Variants in SCFD2 observed in about 807,000 individuals in gnomAD.
The protein encoded by SCFD2 is sec1 family domain-containing protein 2.
A neutral mutation model predicts 58.9 loss-of-function variants in SCFD2; 54 were observed. The observed-to-expected ratio is 0.92, with a 90% CI of 0.74 to 1.15. The LOEUF (loss-of-function observed/expected upper bound fraction) is 1.15. SCFD2 is among the 50% of genes most tolerant of loss of function. The pLI, the probability that SCFD2 is intolerant of heterozygous loss-of-function variation, is 0.00. For synonymous variants in SCFD2, 321 were observed against 335.9 expected (o/e 0.96, Z 0.49); for missense variants, 805 against 836.6 (o/e 0.96, Z 0.47).
At chr4:53,117,113 C>A (rs1725346197) in intron 5 of SCFD2, among the ~76,000 whole-genome samples, 1 of 152,288 alleles carries the variant, frequency 6.6e-6, no homozygotes, top group South Asian at 2.1e-4. Context: ...TGTACTGGAA[C>A]TGAAACCATG....
intron 5 of SCFD2, among the ~76,000 whole-genome samples, chr4:53,130,698 T>G (rs1725762729): frequency 6.6e-6 from 1 of 152,196 alleles, no homozygotes; most frequent in South Asian, 2.1e-4. Context: ...GGGACTGATC[T>G]ACAACCTCTG....
At chr4:52,911,654 C>T (rs1719489165) in intron 6 of SCFD2, among the ~76,000 whole-genome samples, 1 of 152,148 alleles carries the variant, frequency 6.6e-6, no homozygotes, top group African/African-American at 2.4e-5. Flanking sequence ...CCTGACCTAC[C>T]TCTTTGATAT....
intron 5 of SCFD2, 150 bp downstream of exon 5, chr4:53,145,183 C>CT: frequency 1.1e-6 from 1 of 930,456 alleles, no homozygotes; most frequent in East Asian, 2.5e-5. Context: ...GGGACTGTTG[C>CT]TATAGGCTGG....
At chr4:53,052,647 T>G (rs1192925477) in intron 5 of SCFD2, among the ~76,000 whole-genome samples, 1 of 152,168 alleles carries the variant, frequency 6.6e-6, no homozygotes, top group Non-Finnish European at 1.5e-5. Context: ...AAACCCCAAA[T>G]GGTAATTGAG....
chr4:53,323,845 T>C (rs980186061), intron 2 of SCFD2, among the ~76,000 whole-genome samples: 1 of 152,072 alleles, frequency 6.6e-6, no homozygotes, highest in African/African-American at 2.4e-5. Context: ...TCCAAAAACC[T>C]GGGAAACCAC....
chr4:53,283,375 G>A (rs1251890752), intron 3 of SCFD2, among the ~76,000 whole-genome samples: 1 of 151,944 alleles, frequency 6.6e-6, no homozygotes, highest in Non-Finnish European at 1.5e-5. Flanking sequence ...AACATATTTA[G>A]GTTTTATTGG....
intron 4 of SCFD2, among the ~76,000 whole-genome samples, chr4:53,151,708 G>A (rs1263366670): frequency 2.6e-5 from 4 of 152,288 alleles, no homozygotes; most frequent in South Asian, 2.1e-4. Flanking sequence ...GCAACTCATC[G>A]TGTTAGTCCA....
intron 3 of SCFD2, among the ~76,000 whole-genome samples, chr4:53,305,190 AT>A (rs540699443): frequency 5.3e-5 from 8 of 151,970 alleles, no homozygotes; most frequent in Admixed American, 4.6e-4. Flanking sequence ...TATTTTTTAA[AT>A]TTTTTTATTT....
At chr4:52,942,027 T>C (rs1230616832) in intron 5 of SCFD2, among the ~76,000 whole-genome samples, 1 of 152,186 alleles carries the variant, frequency 6.6e-6, no homozygotes. Context: ...TCAACCTGTT[T>C]ATACTAATTA....
chr4:52,948,588 C>A, intron 5 of SCFD2: 1 of 454,022 alleles, frequency 2.2e-6, no homozygotes, highest in Non-Finnish European at 4.4e-6. Context: ...CTAGTGGGGA[C>A]ATGCCAAGTC....
intron 5 of SCFD2, among the ~76,000 whole-genome samples, chr4:52,978,404 A>C (rs1010268442): frequency 1.3e-5 from 2 of 152,168 alleles, no homozygotes; most frequent in Admixed American, 1.3e-4. Context: ...TAAGGCCTGA[A>C]TTATGTATAT....
intron 5 of SCFD2, among the ~76,000 whole-genome samples, chr4:53,018,444 A>G (rs1353153368): frequency 2.6e-5 from 4 of 152,238 alleles, no homozygotes; most frequent in African/African-American, 9.6e-5. Context: ...AATGTTCCTG[A>G]CAAGCATTGC....
intron 5 of SCFD2, among the ~76,000 whole-genome samples, chr4:52,940,237 A>C (rs1271177752): frequency 6.6e-6 from 1 of 152,228 alleles, no homozygotes; most frequent in East Asian, 1.9e-4. Flanking sequence ...TAAAGCATCA[A>C]GAGGCCTGAG....
intron 3 of SCFD2, among the ~76,000 whole-genome samples, chr4:53,277,857 C>T (rs1458738462): frequency 1.3e-5 from 2 of 149,800 alleles, no homozygotes; most frequent in African/African-American, 4.9e-5. Context: ...TGGAGACCAT[C>T]CTGGCTAACA....
intron 5 of SCFD2, among the ~76,000 whole-genome samples, chr4:53,060,845 A>G (rs1723489764): frequency 6.6e-6 from 1 of 152,144 alleles, no homozygotes; most frequent in South Asian, 2.1e-4. Flanking sequence ...CATATCAACA[A>G]AAGCTTTGGG....
At chr4:53,108,018 C>A (rs898813613) in intron 5 of SCFD2, among the ~76,000 whole-genome samples, 1 of 152,146 alleles carries the variant, frequency 6.6e-6, no homozygotes, top group African/African-American at 2.4e-5. Context: ...ATCAGAACAA[C>A]AGTCTTTCAG....
Position 52,876,038 on chromosome 4 carries a change from C to T in SCFD2, c.1963-1977G>A, listed in dbSNP as rs191385771. ...TGTGTGTCTCCCGAGAGGGTCTCTA[C>T]GTCTTTCAGGTCTTCCTCACCAAAC... is the stretch of plus-strand genomic sequence containing the variant. On this transcript the variant is annotated intron_variant, in intron 8 of 8. Coordinates refer to ENST00000401642, the MANE Select transcript of SCFD2 (RefSeq NM_152540.4). Among the ~76,000 whole-genome samples, 10 of 151,882 alleles carry T rather than the reference C, an allele frequency of 6.6e-5. No individual in the cohort carries two copies. In the East Asian group the frequency reaches 9.8e-4, roughly 15 times the overall value.
intron 3 of SCFD2, among the ~76,000 whole-genome samples, chr4:53,279,404 C>T (rs1035251180): frequency 5.9e-5 from 9 of 152,134 alleles, no homozygotes; most frequent in African/African-American, 1.9e-4. Context: ...GTGTGAGCCA[C>T]CATACCTGGC....
intron 4 of SCFD2, among the ~76,000 whole-genome samples, chr4:53,218,222 A>G (rs970857370): frequency 6.6e-6 from 1 of 152,178 alleles, no homozygotes; most frequent in African/African-American, 2.4e-5. Context: ...CTCCTGGATA[A>G]TATCCTGAAG....
Sources: allele counts gnomAD v4.1 joint callset (sites outside exome capture counted in the v4.1 genomes callset), GRCh38; gene constraint gnomAD v4.1.1; transcripts MANE v1.5; gene names NCBI Gene and HGNC (gene_info 2026-07-23, HGNC 2026-07-21).